UBE2E2: variants seen among roughly 807,000 people sequenced by gnomAD.
UBE2E2 encodes the protein ubiquitin conjugating enzyme E2 E2, also known as ubiquitin-conjugating enzyme E2 E2.
In UBE2E2, 6 loss-of-function variants were observed where a neutral mutation model predicts 24.7. The ratio of observed to expected loss-of-function variants is 0.24; its 90% CI spans 0.13 to 0.48. The LOEUF is 0.48. Ranked by LOEUF, UBE2E2 falls within the 20% of genes least tolerant of loss-of-function variation. UBE2E2 has a pLI of 0.99. For missense variants in UBE2E2, 169 were observed against 245.0 expected, an observed-to-expected ratio of 0.69 and a Z score of 2.07; for synonymous variants, 104 against 83.6, an observed-to-expected ratio of 1.24 and a Z score of -1.33.
chr3:23,562,616 A>G (rs573549906), intron 5 of UBE2E2, among the ~76,000 whole-genome samples: 38 of 152,182 alleles, frequency 2.5e-4, no homozygotes, highest in East Asian at 2.3e-3. Flanking sequence ...CTCTTTTTCT[A>G]TTGATTGGAA....
At chr3:23,433,398 T>TA (rs1221004090) in intron 3 of UBE2E2, among the ~76,000 whole-genome samples, 1 of 151,998 alleles carries the variant, frequency 6.6e-6, no homozygotes, top group African/African-American at 2.4e-5. Context: ...TAAATAGTGA[T>TA]AGAGTTCTTG....
intron 5 of UBE2E2, among the ~76,000 whole-genome samples, chr3:23,582,100 T>C (rs1157819337): frequency 1.3e-5 from 2 of 152,152 alleles, no homozygotes; most frequent in East Asian, 3.8e-4. Flanking sequence ...GTTTGCTTCT[T>C]TGTGTCCATG....
intron 3 of UBE2E2, among the ~76,000 whole-genome samples, chr3:23,261,228 A>G (rs1398671489): frequency 4.6e-5 from 7 of 152,098 alleles, no homozygotes; most frequent in East Asian, 3.9e-4. Context: ...TTTAAAAAGT[A>G]TAATATTCTA....
chr3:23,329,895 G>C (rs2125299481), intron 3 of UBE2E2, among the ~76,000 whole-genome samples: 1 of 152,330 alleles, frequency 6.6e-6, no homozygotes, highest in East Asian at 1.9e-4. Flanking sequence ...CACTCTGGAA[G>C]AATGGAGAAG....
chr3:23,273,640 G>A (rs1261652462), intron 3 of UBE2E2, among the ~76,000 whole-genome samples: 4 of 152,134 alleles, frequency 2.6e-5, no homozygotes, highest in Non-Finnish European at 5.9e-5. Context: ...TTTGCTTAAA[G>A]TCATAGTTTC....
At chr3:23,563,036 A>AT (rs1223128859) in intron 5 of UBE2E2, among the ~76,000 whole-genome samples, 7 of 151,942 alleles carry the variant, frequency 4.6e-5, no homozygotes, top group Non-Finnish European at 8.8e-5. Context: ...GGATTCATTG[A>AT]TTTTTTGAAG....
intron 3 of UBE2E2, among the ~76,000 whole-genome samples, chr3:23,369,231 T>C (rs1055844617): frequency 6.6e-6 from 1 of 152,078 alleles, no homozygotes; most frequent in Non-Finnish European, 1.5e-5. Flanking sequence ...AGAATTAGCC[T>C]GTTAGGCACA....
intron 3 of UBE2E2, among the ~76,000 whole-genome samples, chr3:23,306,558 GTAAA>G (rs1364426721): frequency 2.6e-5 from 4 of 152,150 alleles, no homozygotes; most frequent in Non-Finnish European, 5.9e-5. Context: ...AAACAAAGAG[GTAAA>G]TAAATATCTG....
At chr3:23,371,380 C>T (rs1424493373) in intron 3 of UBE2E2, among the ~76,000 whole-genome samples, 1 of 152,154 alleles carries the variant, frequency 6.6e-6, no homozygotes, top group Non-Finnish European at 1.5e-5. Context: ...TACCCATACC[C>T]TGCAGCATTG....
intron 5 of UBE2E2, among the ~76,000 whole-genome samples, chr3:23,551,128 C>A (rs1044290379): frequency 3.9e-5 from 6 of 152,116 alleles, no homozygotes; most frequent in Non-Finnish European, 5.9e-5. Flanking sequence ...TATGGAAATA[C>A]AACAAATTCC....
At chr3:23,370,647 G>A (rs1480652168) in intron 3 of UBE2E2, among the ~76,000 whole-genome samples, 1 of 152,208 alleles carries the variant, frequency 6.6e-6, no homozygotes, top group African/African-American at 2.4e-5. Context: ...GAGAAAAGAA[G>A]GAACTGTGAG....
chr3:23,267,915 A>G (rs1446836308), intron 3 of UBE2E2, among the ~76,000 whole-genome samples: 1 of 150,958 alleles, frequency 6.6e-6, no homozygotes, highest in African/African-American at 2.4e-5. Flanking sequence ...GCAAATCAAT[A>G]AACGTAATCC....
intron 3 of UBE2E2, among the ~76,000 whole-genome samples, chr3:23,300,047 T>C (rs1699027771): frequency 6.6e-6 from 1 of 150,408 alleles, no homozygotes; most frequent in Admixed American, 6.6e-5. Flanking sequence ...AATGGCCTTC[T>C]TTGTCTCTTT....
intron 3 of UBE2E2, among the ~76,000 whole-genome samples, chr3:23,326,855 G>A (rs1251849811): frequency 6.6e-6 from 1 of 152,106 alleles, no homozygotes; most frequent in East Asian, 1.9e-4. Context: ...CCTGGTGTGG[G>A]ATGTTCCCCA....
intron 3 of UBE2E2, among the ~76,000 whole-genome samples, chr3:23,383,809 C>T: frequency 6.8e-6 from 1 of 148,148 alleles, no homozygotes. Flanking sequence ...CTAAGTTATT[C>T]TTTGTTATTG....
intron 3 of UBE2E2, among the ~76,000 whole-genome samples, chr3:23,420,965 A>G (rs1053760800): frequency 6.6e-6 from 1 of 152,262 alleles, no homozygotes; most frequent in Non-Finnish European, 1.5e-5. Flanking sequence ...AAGAGACAAT[A>G]TCTTTATTCC....
chr3:23,299,314 G>A (rs1699005181), intron 3 of UBE2E2, among the ~76,000 whole-genome samples: 1 of 151,916 alleles, frequency 6.6e-6, no homozygotes, highest in Non-Finnish European at 1.5e-5. Flanking sequence ...GTTATTTCTT[G>A]CCTTCTGCTA....
At chr3:23,467,459 A>G (rs959876807) in intron 3 of UBE2E2, among the ~76,000 whole-genome samples, 1 of 152,208 alleles carries the variant, frequency 6.6e-6, no homozygotes, top group East Asian at 1.9e-4. Flanking sequence ...TCACTGCTCT[A>G]TGACTTTGAG....
intron 3 of UBE2E2, among the ~76,000 whole-genome samples, chr3:23,354,645 C>T (rs1308235349): frequency 2.0e-5 from 3 of 152,142 alleles, no homozygotes; most frequent in African/African-American, 7.2e-5. Context: ...CCATCACTGG[C>T]CATCAAAGAA....
Sources: allele counts gnomAD v4.1 joint callset (sites outside exome capture counted in the v4.1 genomes callset), GRCh38; gene constraint gnomAD v4.1.1; transcripts MANE v1.5; gene names NCBI Gene and HGNC (gene_info 2026-07-23, HGNC 2026-07-21).